The following TMEM74 variants were observed in gnomAD, a reference collection of about 807,000 sequenced individuals.
TMEM74 encodes the protein transmembrane protein 74.
Under a neutral mutation model 18.1 loss-of-function variants are expected in TMEM74, and 13 were observed. That is an observed-to-expected ratio of 0.72 (90% CI 0.47 to 1.14). TMEM74 has a LOEUF of 1.14. Among genes scored for constraint, TMEM74 ranks in the 50% most tolerant of loss-of-function variants. The pLI is 0.00. For missense variants in TMEM74, 372 were observed against 375.9 expected (o/e 0.99, Z 0.09); for synonymous variants, 159 against 146.6 (o/e 1.08, Z -0.61).
chr8:108,750,943 G>A (rs1341729037), intron 1 of TMEM74, among the ~76,000 whole-genome samples: 1 of 152,012 alleles, frequency 6.6e-6, no homozygotes. Context: ...TTCCACTCCT[G>A]CTCTCAAACT....
chr8:108,670,924 C>A (rs1380217189), intron 1 of TMEM74, among the ~76,000 whole-genome samples: 1 of 152,020 alleles, frequency 6.6e-6, no homozygotes. Context: ...CAAGAATGAC[C>A]AATTGTGCTC....
chr8:108,780,607 G>A lies in TMEM74; in HGVS notation c.*3574C>T, dbSNP rs1050387914. Among the ~76,000 whole-genome samples the A allele has an allele frequency of 6.6e-6, 1 of 152,100 alleles. No individual in the cohort carries two copies. On this transcript the variant is annotated 3_prime_UTR_variant, in exon 2 of 2. Coordinates refer to ENST00000297459, the MANE Select transcript of TMEM74 (RefSeq NM_153015.3). Reference sequence around the variant, plus strand: ...CATGTGCCAGCACTGGTCCAATTGGGTCCCTAAAACAAATAAGTATGAGGG... The same window carrying A: ...CATGTGCCAGCACTGGTCCAATTGGATCCCTAAAACAAATAAGTATGAGGG...
chr8:108,681,638 C>T (rs1324047942), intron 1 of TMEM74, among the ~76,000 whole-genome samples: 1 of 152,112 alleles, frequency 6.6e-6, no homozygotes, highest in South Asian at 2.1e-4. Context: ...CTTAGGACTT[C>T]AACATATGAA....
chr8:108,640,943 T>C (rs1296728571), intron 2 of TMEM74, among the ~76,000 whole-genome samples: 2 of 152,218 alleles, frequency 1.3e-5, no homozygotes, highest in African/African-American at 4.8e-5. Flanking sequence ...CATTTATAAA[T>C]CACTTTTTAG....
chr8:108,771,839 G>A (rs1031334904), intron 1 of TMEM74, among the ~76,000 whole-genome samples: 10 of 151,872 alleles, frequency 6.6e-5, no homozygotes, highest in African/African-American at 2.2e-4. Context: ...CAGGATGCTG[G>A]GAGAAAGGAT....
At chr8:108,764,169 C>T (rs1314685418) in intron 1 of TMEM74, among the ~76,000 whole-genome samples, 1 of 152,068 alleles carries the variant, frequency 6.6e-6, no homozygotes. Context: ...GAGAGGATGT[C>T]TCAATGGCAG....
At chr8:108,686,623 GGTGA>G (rs1813170135) in intron 1 of TMEM74, among the ~76,000 whole-genome samples, 2 of 151,842 alleles carry the variant, frequency 1.3e-5, no homozygotes, top group African/African-American at 4.8e-5. Context: ...CCTTTAGCTG[GGTGA>G]GTAATTGCTT....
intron 2 of TMEM74, among the ~76,000 whole-genome samples, chr8:108,623,860 T>C (rs1194810870): frequency 2.0e-5 from 3 of 152,010 alleles, no homozygotes; most frequent in Non-Finnish European, 4.4e-5. Flanking sequence ...TAAAGGCCAG[T>C]AATACTGCTC....
At chr8:108,767,087 G>A (rs1283901993) in intron 1 of TMEM74, among the ~76,000 whole-genome samples, 1 of 152,158 alleles carries the variant, frequency 6.6e-6, no homozygotes, top group Non-Finnish European at 1.5e-5. Context: ...CACCCTCACA[G>A]ACGCATCCTG....
Position 108,784,612 on chromosome 8 carries a change from T to C in TMEM74, c.487A>G (p.Thr163Ala). 1.2e-6 allele frequency: 2 copies of C among 1,614,146 alleles called. No homozygotes were observed. Among genetic ancestry groups the C allele is most frequent in the Non-Finnish European group, 1.7e-6 (2 of 1,180,024 alleles). The change falls in exon 2 of 2, where the codon ACA (threonine) becomes GCA (alanine). Residue 163 changes from threonine (T) to alanine (A), a missense_variant. Transcript: ENST00000297459. ...ISLISEEEDD[T>A]SSEATSSGKS... ...CCTGAAGACGTGGCTTCTGAACTTG[T>C]ATCATCCTCCTCTTCAGATATCAAA...
chr8:108,654,093 A>G (rs995218857), intron 2 of TMEM74, among the ~76,000 whole-genome samples: 1 of 152,146 alleles, frequency 6.6e-6, no homozygotes, highest in Admixed American at 6.6e-5. Flanking sequence ...ATTATAAGAC[A>G]GCATACTTTT....
chr8:108,760,185 A>AGAGAGAGAGAGAGGGAGAGAGATT, intron 1 of TMEM74, among the ~76,000 whole-genome samples: 10 of 151,186 alleles, frequency 6.6e-5, no homozygotes, highest in African/African-American at 2.4e-4. Context: ...GGAGAGAGAG[A>AGAGAGAGAGAGAGGGAGAGAGATT]GGGAGAGAGA....
In TMEM74 at chr8:108,718,125, A is replaced by G. The variant is rs1283590776; in HGVS notation, n.120-62688T>C. Among the ~76,000 whole-genome samples the G allele has an allele frequency of 2.8e-5, 3 of 107,692 alleles. 1 individual carries two copies. Among genetic ancestry groups the G allele is most frequent in the African/African-American group, 1.7e-4 (3 of 17,438 alleles). The allele number at this position is 107,692 out of a possible 152,430, so 70.7% of individuals were successfully genotyped here. A position where few individuals can be genotyped will look rare whatever the true frequency, so the allele number is the denominator to read the frequency against. On this transcript the variant is annotated intron_variant and non_coding_transcript_variant, in intron 1 of 3. Coordinates refer to the TMEM74 transcript ENST00000518838. ...AGGCGCCCGCCACTACGCCCGGCTA[A>G]TTTTTTGTATTTTTAGTAGAGACGG... is the stretch of plus-strand genomic sequence containing the variant.
chr8:108,652,107 C>T (rs552098368), intron 2 of TMEM74, among the ~76,000 whole-genome samples: 4 of 152,090 alleles, frequency 2.6e-5, no homozygotes, highest in South Asian at 2.1e-4. Flanking sequence ...AAAGAAAAAA[C>T]ATTTTTTACT....
intron 2 of TMEM74, among the ~76,000 whole-genome samples, chr8:108,615,359 C>T (rs750689995): frequency 3.3e-5 from 5 of 152,290 alleles, no homozygotes; most frequent in Admixed American, 2.6e-4. Context: ...AAAGTGGCCT[C>T]CTAGGAAATT....
intron 2 of TMEM74, among the ~76,000 whole-genome samples, chr8:108,611,600 C>T (rs1167312841): frequency 1.3e-5 from 2 of 152,116 alleles, no homozygotes; most frequent in African/African-American, 4.8e-5. Context: ...GAGCTGGTGA[C>T]AGAATTTGGT....
intron 1 of TMEM74, among the ~76,000 whole-genome samples, chr8:108,761,350 A>G (rs914571660): frequency 2.0e-5 from 3 of 151,932 alleles, no homozygotes; most frequent in Non-Finnish European, 4.4e-5. Context: ...TTAAATATCA[A>G]TATAAAGAGA....
At chr8:108,756,548 A>AAAATAAAG (rs1813961439) in intron 1 of TMEM74, among the ~76,000 whole-genome samples, 2 of 44,952 alleles carry the variant, frequency 4.4e-5, no homozygotes, top group Non-Finnish European at 3.8e-5. Flanking sequence ...CACTGTAAAG[A>AAAATAAAG]AAAGAAAGAA....
chr8:108,715,315 G>A (rs1174313717), intron 1 of TMEM74, among the ~76,000 whole-genome samples: 6 of 151,702 alleles, frequency 4.0e-5, no homozygotes, highest in Non-Finnish European at 5.9e-5. Context: ...TGCTAGGTAC[G>A]ATGACTCACT....
Sources: gnomAD v4.1 joint callset for allele counts (sites outside exome capture counted in the v4.1 genomes callset) on GRCh38, gnomAD v4.1.1 for gene constraint, MANE v1.5 for transcripts, NCBI Gene and HGNC (gene_info 2026-07-23, HGNC 2026-07-21) for gene names.